FLT4: variants seen among roughly 807,000 people sequenced by gnomAD.
The protein encoded by FLT4 is vascular endothelial growth factor receptor 3.
A neutral mutation model predicts 163.2 loss-of-function variants in FLT4; 30 were observed. The ratio of observed to expected loss-of-function variants is 0.18; its 90% CI spans 0.14 to 0.25. FLT4 has a LOEUF of 0.25. Among genes scored for constraint, FLT4 ranks in the 10% least tolerant of loss-of-function variants. The pLI is 1.00. For missense variants in FLT4, 1,510 were observed against 1,863.8 expected (o/e 0.81, Z 3.50); for synonymous variants, 884 against 789.5 (o/e 1.12, Z -2.01).
chr5:180,625,053 T>G (rs1428937920), intron 10 of FLT4, among the ~76,000 whole-genome samples: 20 of 152,202 alleles, frequency 1.3e-4, no homozygotes, highest in Admixed American at 1.2e-3. Context: ...CCACCCCTAC[T>G]GAGCCTCCCC....
chr5:180,605,642 A>G (rs370891601), intron 29 of FLT4, among the ~76,000 whole-genome samples: 16 of 152,322 alleles, frequency 1.1e-4, no homozygotes, highest in African/African-American at 3.4e-4. Context: ...CCTCAAACCC[A>G]TATCTTTGGC....
In FLT4 at chr5:180,610,025, C is replaced by A. The variant is rs1762047899; in HGVS notation, c.3687G>T (p.Arg1229Ser). 3 of 1,613,982 alleles carry A rather than the reference C, an allele frequency of 1.9e-6. No individual in the cohort carries two copies. In the African/African-American group the frequency reaches 4.0e-5, roughly 22 times the overall value. ...PSLQRHSLAA[R>S]YYNWVSFPGC... is the part of the protein sequence containing the mutation. Reference sequence around the variant, plus strand: ...CGGGAAAGGACACCCAGTTGTAATACCTGTGGGGAGAAATCAGAAGGTGCT... The same window carrying A: ...CGGGAAAGGACACCCAGTTGTAATAACTGTGGGGAGAAATCAGAAGGTGCT... The change falls in exon 28 of 30, where the codon AGG (arginine) becomes AGT (serine). Residue 1229 changes from arginine to serine, a missense_variant and splice_region_variant. By Grantham distance (110) the Arg-to-Ser change is moderately radical. Around this residue, in one of 5 missense-constraint regions of FLT4, gnomAD observed 295 missense variants for 311.0 expected, o/e 0.95. Coordinates refer to ENST00000261937, the MANE Select transcript of FLT4 (RefSeq NM_182925.5).
In FLT4 at chr5:180,620,167, C is replaced by A; in HGVS notation, c.2542+6G>T. 1 of 1,604,884 alleles carries A rather than the reference C, an allele frequency of 6.2e-7. No homozygotes were observed. The highest frequency in any genetic ancestry group is 1.1e-5 in the South Asian group (1 of 90,968). Reference sequence around the variant, plus strand: ...TGTGGGTTGGGCAGGCTGGTGCTGGCCTCACCCAGGTGCAGCCGCTCTCGG... The same window carrying A: ...TGTGGGTTGGGCAGGCTGGTGCTGGACTCACCCAGGTGCAGCCGCTCTCGG... On this transcript the variant is annotated splice_donor_region_variant and intron_variant, in intron 17 of 29. Coordinates refer to ENST00000261937, the MANE Select transcript of FLT4 (RefSeq NM_182925.5). This position sits in a 1 kb window ranked among gnomAD's most constrained non-coding sequence, Gnocchi z 4.4.
At chr5:180,611,526 G>A (rs1203903548) in intron 26 of FLT4, 47 bp from the exon 27 acceptor site, 2 of 1,603,208 alleles carry the variant, frequency 1.2e-6, no homozygotes, top group Middle Eastern at 4.4e-4. Context: ...ACCAGCCACT[G>A]CCCTCAGCCC....
Position 180,636,119 on chromosome 5 carries a change from C to G in FLT4, c.59-4341G>C, listed in dbSNP as rs760627341. On this transcript the variant is annotated intron_variant, in intron 1 of 29. Coordinates refer to ENST00000261937, the MANE Select transcript of FLT4 (RefSeq NM_182925.5). The surrounding 1 kb of genome is among the most constrained non-coding windows in gnomAD (Gnocchi z 4.3). ...GGCACCGTGCCACCAAAGGAAGCAC[C>G]TGCATCACTGCTGAGCAGGACCATC... Among the ~76,000 whole-genome samples, 7 of 152,016 alleles carry G rather than the reference C, an allele frequency of 4.6e-5. No homozygotes were observed. The highest frequency in any genetic ancestry group is 3.3e-4 in the Admixed American group (5 of 15,266).
At chr5:180,625,579 C>T (rs1314527085) in intron 10 of FLT4, among the ~76,000 whole-genome samples, 3 of 152,238 alleles carry the variant, frequency 2.0e-5, no homozygotes, top group Non-Finnish European at 4.4e-5. Flanking sequence ...GATGCAATTA[C>T]GTGTCCAGAG....
intron 26 of FLT4, chr5:180,611,688 G>A (rs1762216621): frequency 1.6e-6 from 1 of 616,880 alleles, no homozygotes; most frequent in South Asian, 1.9e-5. Flanking sequence ...CCTGAGATAG[G>A]GCCCTAACAG....
At chr5:180,605,697 C>T (rs1309985851) in intron 29 of FLT4, among the ~76,000 whole-genome samples, 2 of 152,214 alleles carry the variant, frequency 1.3e-5, no homozygotes, top group Non-Finnish European at 2.9e-5. Context: ...AAGGCTCATA[C>T]ACGTCCCGTA....
At chr5:180,627,197 GC>G (rs1442452773) in intron 8 of FLT4, among the ~76,000 whole-genome samples, 8 of 152,220 alleles carry the variant, frequency 5.3e-5, no homozygotes, top group Non-Finnish European at 1.2e-4. Context: ...GGTGTGGCAG[GC>G]CAGAGATACA....
chr5:180,628,576 CAG>C (rs1763829233), intron 8 of FLT4, among the ~76,000 whole-genome samples: 1 of 152,224 alleles, frequency 6.6e-6, no homozygotes. Context: ...TTCTGCAGGG[CAG>C]AGAGGGGCCC....
At chr5:180,609,547 C>T (rs1175661762) in intron 28 of FLT4, 1 of 371,222 alleles carries the variant, frequency 2.7e-6, no homozygotes, top group Non-Finnish European at 5.1e-6. Flanking sequence ...GAGGCAGGAA[C>T]CCAGGTCCCT....
rs982973930 is a variant in FLT4 at position 180,630,506 on chromosome 5, C to A, written c.400+49G>T. ...TCCACAGGCTGGGGGCGGTGTGGGCCCCAGCTGCCCGGGACCCTGCTCCAG... is the reference window on the plus strand; with the variant it reads ...TCCACAGGCTGGGGGCGGTGTGGGCACCAGCTGCCCGGGACCCTGCTCCAG... On this transcript the variant is annotated intron_variant, in intron 3 of 29. Coordinates refer to ENST00000261937, the MANE Select transcript of FLT4 (RefSeq NM_182925.5). The surrounding 1 kb of genome is among the most constrained non-coding windows in gnomAD (Gnocchi z 6.3). The A allele has an allele frequency of 1.9e-6, 3 of 1,609,930 alleles. No homozygotes were observed. Among genetic ancestry groups the A allele is most frequent in the Admixed American group, 1.7e-5 (1 of 59,830 alleles).
chr5:180,626,296 C>G (rs1561730424), intron 8 of FLT4, 31 bp from the exon 9 acceptor site: 1 of 1,607,940 alleles, frequency 6.2e-7, no homozygotes, highest in Admixed American at 1.7e-5. Flanking sequence ...AGGGCCCATA[C>G]AGATCCCACC....
At chr5:180,633,979 A>G (rs1038353916) in intron 1 of FLT4, among the ~76,000 whole-genome samples, 1 of 152,046 alleles carries the variant, frequency 6.6e-6, no homozygotes, top group African/African-American at 2.4e-5. Context: ...GACACCTTCC[A>G]GCTCCACCGT....
Position 180,621,608 on chromosome 5 carries a change from C to A in FLT4, c.1954G>T (p.Val652Leu). Residue 652 changes from valine (V) to leucine (L), a missense_variant, in exon 13 of 30, where the codon GTG becomes TTG. Transcript: ENST00000261937. Reference sequence around the variant, plus strand: ...CTGCGCCGGTCTTGCACTTCGCACACATAGTGGCCCTCGTGCTCGGGCGCG... The same window carrying A: ...CTGCGCCGGTCTTGCACTTCGCACAAATAGTGGCCCTCGTGCTCGGGCGCG... ...RVAPEHEGHY[V>L]CEVQDRRSHD... is the part of the protein sequence containing the mutation. 1 of 1,607,764 alleles carries A rather than the reference C, an allele frequency of 6.2e-7. No homozygotes were observed. Among genetic ancestry groups the A allele is most frequent in the Non-Finnish European group, 8.5e-7 (1 of 1,176,222 alleles).
At chr5:180,612,380 C>G (rs1417135526) in intron 26 of FLT4, 126 bp downstream of exon 26, 1 of 758,792 alleles carries the variant, frequency 1.3e-6, no homozygotes, top group Admixed American at 1.8e-5. Flanking sequence ...GGCCCAGGAC[C>G]CCACCACCCT....
In FLT4 at chr5:180,619,312, A is replaced by G. The variant is rs771726665; in HGVS notation, c.2702T>C (p.Ile901Thr). 1 of 1,611,188 alleles carries G rather than the reference A, an allele frequency of 6.2e-7. No homozygotes were observed. Among genetic ancestry groups the G allele is most frequent in the Non-Finnish European group, 8.5e-7 (1 of 1,179,390 alleles). Residue 901 changes from isoleucine (I) to threonine (T), a missense_variant, in exon 19 of 30, where the codon ATT becomes ACT. Coordinates refer to ENST00000261937, the MANE Select transcript of FLT4 (RefSeq NM_182925.5). ...CACGTTGAGGTGGTTGCCGATGTGA[A>G]TGAGGATCTTGAGCTCCGACATCAG... The part of the protein sequence containing the change: ...RALMSELKIL[I>T]HIGNHLNVVN...
chr5:180,612,235 G>A lies in FLT4; in HGVS notation c.3537+271C>T, dbSNP rs374959103. Among the ~76,000 whole-genome samples, 7 of 152,282 alleles carry A rather than the reference G, an allele frequency of 4.6e-5. No individual in the cohort carries two copies. The East Asian group carries it at 9.6e-4, about 21-fold the overall frequency. On this transcript the variant is annotated intron_variant, in intron 26 of 29. Transcript: ENST00000261937. Reference sequence around the variant, plus strand: ...TGGGGCTGCCTCACAGGCCGGGGGGGACCAGCCTAGGATTCCCCTCGCGCA... The same window carrying A: ...TGGGGCTGCCTCACAGGCCGGGGGGAACCAGCCTAGGATTCCCCTCGCGCA...
intron 1 of FLT4, among the ~76,000 whole-genome samples, chr5:180,642,767 G>T (rs926157172): frequency 2.6e-5 from 4 of 152,184 alleles, no homozygotes; most frequent in East Asian, 1.9e-4. Context: ...AATTCCCAGC[G>T]CTGGAGAGAA....
Sources: gnomAD v4.1 joint callset for allele counts (sites outside exome capture counted in the v4.1 genomes callset) on GRCh38, gnomAD v4.1.1 for gene constraint, gnomAD v4.1.1 regional missense constraint, Gnocchi (gnomAD v3.1) non-coding constraint, MANE v1.5 for transcripts, NCBI Gene and HGNC (gene_info 2026-07-23, HGNC 2026-07-21) for gene names.